ATP8B1: variants seen among roughly 807,000 people sequenced by gnomAD.
ATP8B1 encodes the protein ATPase phospholipid transporting 8B1.
ATP8B1 carries 80 observed loss-of-function variants against 149.9 expected under a neutral mutation model. The observed-to-expected ratio is 0.53, with a 90% CI of 0.45 to 0.64. The LOEUF (loss-of-function observed/expected upper bound fraction) is 0.64, where lower values mean the gene tolerates loss of function less well. Among genes scored for constraint, ATP8B1 ranks in the 30% least tolerant of loss-of-function variants. The pLI is 0.00. For synonymous variants in ATP8B1, 536 were observed against 562.8 expected (o/e 0.95, Z 0.67); for missense variants, 1,247 against 1,552.6 (o/e 0.80, Z 3.31).
At chr18:57,756,210 T>TATATACACAC in intron 1 of ATP8B1, among the ~76,000 whole-genome samples, 2 of 109,048 alleles carry the variant, frequency 1.8e-5, no homozygotes, top group East Asian at 4.2e-4. Flanking sequence ...TATATATATA[T>TATATACACAC]ACACACACAC....
At chr18:57,699,961 A>G (rs975682012) in intron 6 of ATP8B1, among the ~76,000 whole-genome samples, 1 of 152,194 alleles carries the variant, frequency 6.6e-6, no homozygotes, top group African/African-American at 2.4e-5. Context: ...CCATGGCCTG[A>G]GCAGCCCCTG....
At chr18:57,726,545 A>G (rs1468082757) in intron 2 of ATP8B1, among the ~76,000 whole-genome samples, 1 of 152,212 alleles carries the variant, frequency 6.6e-6, no homozygotes, top group Non-Finnish European at 1.5e-5. Flanking sequence ...AAATTCCACA[A>G]GAGGTTCTGA....
chr18:57,800,123 C>T (rs1160695193), intron 1 of ATP8B1, among the ~76,000 whole-genome samples: 1 of 152,108 alleles, frequency 6.6e-6, no homozygotes, highest in East Asian at 1.9e-4. Context: ...TAAACTAGAA[C>T]CAAGTGTACA....
intron 13 of ATP8B1, among the ~76,000 whole-genome samples, chr18:57,686,726 G>C (rs1336483690): frequency 6.6e-6 from 1 of 152,000 alleles, no homozygotes; most frequent in Admixed American, 6.6e-5. Flanking sequence ...GCCAGAGATG[G>C]GGTTTTGTCA....
intron 1 of ATP8B1, among the ~76,000 whole-genome samples, chr18:57,769,273 C>T (rs1471244143): frequency 2.0e-5 from 3 of 152,160 alleles, no homozygotes; most frequent in Admixed American, 6.5e-5. Context: ...TCCTCAGAGC[C>T]GTATTTCCTC....
intron 15 of ATP8B1, among the ~76,000 whole-genome samples, chr18:57,677,551 ACCTT>A (rs3831473): frequency 0.4 from 61,242 of 151,606 alleles, 12,716 homozygotes; most frequent in East Asian, 0.66. Flanking sequence ...AGCTAAACAC[ACCTT>A]CCTTCCTTCC....
chr18:57,694,949 G>C (rs1912727360), intron 10 of ATP8B1, among the ~76,000 whole-genome samples: 2 of 137,060 alleles, frequency 1.5e-5, no homozygotes, highest in Admixed American at 1.6e-4. Context: ...AGAATCACTT[G>C]AACCCAGGAG....
At chr18:57,663,761 ATTTTT>A (rs10598900) in intron 20 of ATP8B1, among the ~76,000 whole-genome samples, 8 of 97,462 alleles carry the variant, frequency 8.2e-5, no homozygotes, top group Admixed American at 1.3e-4. Context: ...TGCTTTGCCC[ATTTTT>A]TTTTTTTTTT....
chr18:57,650,854 T>TA (rs968312845), intron 26 of ATP8B1, among the ~76,000 whole-genome samples: 7 of 151,460 alleles, frequency 4.6e-5, no homozygotes, highest in Non-Finnish European at 8.8e-5. Flanking sequence ...AAAAATAAAA[T>TA]AAAAAAAAGA....
intron 1 of ATP8B1, among the ~76,000 whole-genome samples, chr18:57,786,317 T>C (rs2080408946): frequency 6.6e-6 from 1 of 152,192 alleles, no homozygotes; most frequent in African/African-American, 2.4e-5. Context: ...AACACACCTT[T>C]GCTGCCGTGG....
intron 15 of ATP8B1, among the ~76,000 whole-genome samples, chr18:57,683,417 G>A (rs1477613626): frequency 6.6e-6 from 1 of 152,200 alleles, no homozygotes; most frequent in South Asian, 2.1e-4. Flanking sequence ...CCTTGATACA[G>A]GACAAACTTG....
chr18:57,670,006 C>T (rs562845808), intron 17 of ATP8B1, among the ~76,000 whole-genome samples: 2 of 152,278 alleles, frequency 1.3e-5, no homozygotes, highest in South Asian at 4.1e-4. Context: ...ACTGCACTTC[C>T]AGTTTCCAAA....
chr18:57,765,018 A>T (rs2080197845), intron 1 of ATP8B1, among the ~76,000 whole-genome samples: 1 of 152,258 alleles, frequency 6.6e-6, no homozygotes, highest in South Asian at 2.1e-4. Context: ...GATATTCACA[A>T]AAGCAAAGAG....
intron 2 of ATP8B1, among the ~76,000 whole-genome samples, chr18:57,717,547 C>CAAAAAAAAAAAAA (rs1163024544): frequency 5.0e-5 from 1 of 19,926 alleles, no homozygotes; most frequent in African/African-American, 2.5e-4. Context: ...GACTCTGTCT[C>CAAAAAAAAAAAAA]AAAAAAAAAA....
chr18:57,667,349 C>T, intron 19 of ATP8B1, 182 bp from the exon 20 acceptor site: 2 of 583,896 alleles, frequency 3.4e-6, no homozygotes, highest in Non-Finnish European at 6.1e-6. Context: ...CCACCCGCAG[C>T]CCCCAAGTAG....
At chr18:57,706,642 G>A in intron 2 of ATP8B1, 55 bp from the exon 3 acceptor site, 1 of 1,356,636 alleles carries the variant, frequency 7.4e-7, no homozygotes, top group South Asian at 1.2e-5. Flanking sequence ...GTTGTTATGA[G>A]TTGAATTGTG....
At chr18:57,684,222 A>T in intron 14 of ATP8B1, 30 bp from the exon 15 acceptor site, 1 of 1,595,302 alleles carries the variant, frequency 6.3e-7, no homozygotes, top group South Asian at 1.1e-5. Flanking sequence ...ACAAAATATG[A>T]TTTTATAAAA....
chr18:57,721,345 G>A (rs1281927045), intron 2 of ATP8B1, among the ~76,000 whole-genome samples: 1 of 148,728 alleles, frequency 6.7e-6, no homozygotes, highest in Non-Finnish European at 1.5e-5. Context: ...CTGTATTCAG[G>A]AAACCCATCT....
chr18:57,754,777 G>A (rs765337017), intron 1 of ATP8B1, among the ~76,000 whole-genome samples: 9 of 152,132 alleles, frequency 5.9e-5, no homozygotes, highest in Non-Finnish European at 1.2e-4. Context: ...TACCTAACTC[G>A]TAACCTACTG....
Sources: allele counts gnomAD v4.1 joint callset (sites outside exome capture counted in the v4.1 genomes callset), GRCh38; gene constraint gnomAD v4.1.1; transcripts MANE v1.5; gene names NCBI Gene and HGNC (gene_info 2026-07-23, HGNC 2026-07-21).